Variants in RAD51B observed in about 807,000 individuals in gnomAD.
The protein encoded by RAD51B is RAD51 paralog B.
In RAD51B, 38 loss-of-function variants were observed where a neutral mutation model predicts 42.2. The observed-to-expected ratio is 0.90, with a 90% CI of 0.70 to 1.18. The LOEUF (loss-of-function observed/expected upper bound fraction) is 1.18, where lower values mean the gene tolerates loss of function less well. Ranked by LOEUF, RAD51B falls within the 50% of genes most tolerant of loss-of-function variation. The pLI, the probability that RAD51B is intolerant of heterozygous loss-of-function variation, is 0.00. For synonymous variants in RAD51B, 154 were observed against 145.2 expected (o/e 1.06, Z -0.43); for missense variants, 373 against 400.7 (o/e 0.93, Z 0.59).
At chr14:68,396,527 A>T (rs2083929314) in intron 8 of RAD51B, among the ~76,000 whole-genome samples, 1 of 152,232 alleles carries the variant, frequency 6.6e-6, no homozygotes, top group Non-Finnish European at 1.5e-5. Context: ...AAGATATATG[A>T]TCATGTACTT....
chr14:68,060,220 T>C (rs1459930558), intron 7 of RAD51B, among the ~76,000 whole-genome samples: 2 of 152,230 alleles, frequency 1.3e-5, no homozygotes, highest in Non-Finnish European at 2.9e-5. Flanking sequence ...TATGCACATG[T>C]TCCCATCAGC....
downstream of RAD51B, among the ~76,000 whole-genome samples, chr14:68,614,400 T>C (rs1211448974): frequency 1.3e-5 from 2 of 152,224 alleles, no homozygotes; most frequent in African/African-American, 4.8e-5. Context: ...TCTTAAAGTG[T>C]ACAATTCCAT....
Position 68,282,346 on chromosome 14 carries a change from A to G in RAD51B, c.757-9538A>G, listed in dbSNP as rs191170391. 1.2e-3 allele frequency among the ~76,000 whole-genome samples: 188 copies of G among 152,190 alleles called. 3 individuals are homozygous for G. The highest frequency in any genetic ancestry group is 1.0e-3 in the Non-Finnish European group (71 of 68,002). On this transcript the variant is annotated intron_variant, in intron 7 of 10. Coordinates refer to ENST00000471583, the MANE Select transcript of RAD51B (RefSeq NM_133510.4). The stretch of plus-strand genomic sequence containing the variant: ...GGGAGTTTGAATGTTAGTAACCATG[A>G]TAGAAGATCTCCACTCCAAGGGCAT...
At chr14:67,835,341 A>G in intron 4 of RAD51B, 145 bp downstream of exon 4, 2 of 655,564 alleles carry the variant, frequency 3.1e-6, no homozygotes, top group South Asian at 4.0e-5. Context: ...TTCTCCACTC[A>G]GTACTTAGTG....
chr14:68,174,811 A>T (rs2078933804), intron 7 of RAD51B, among the ~76,000 whole-genome samples: 1 of 152,220 alleles, frequency 6.6e-6, no homozygotes, highest in East Asian at 1.9e-4. Flanking sequence ...GAATGAATTA[A>T]TGGAAGCCTC....
chr14:68,485,837 T>C (rs116956027), intron 10 of RAD51B, among the ~76,000 whole-genome samples: 82 of 152,358 alleles, frequency 5.4e-4, no homozygotes, highest in African/African-American at 1.9e-3. Flanking sequence ...AAGCTCTTTA[T>C]TGGAAGTTAT....
At chr14:68,431,652 A>T (rs1386550393) in intron 9 of RAD51B, among the ~76,000 whole-genome samples, 1 of 151,440 alleles carries the variant, frequency 6.6e-6, no homozygotes, top group African/African-American at 2.4e-5. Flanking sequence ...TTTCTTCTTT[A>T]TTAGTCTTGC....
At chr14:68,585,891 G>GA (rs767277778) in intron 10 of RAD51B, among the ~76,000 whole-genome samples, 2 of 152,092 alleles carry the variant, frequency 1.3e-5, no homozygotes, top group East Asian at 3.9e-4. Flanking sequence ...GCAGAGGGGG[G>GA]AGACAACTCA....
chr14:68,585,784 C>T (rs1249180087), intron 10 of RAD51B, among the ~76,000 whole-genome samples: 2 of 152,162 alleles, frequency 1.3e-5, no homozygotes, highest in East Asian at 3.9e-4. Flanking sequence ...TGGGCAGACG[C>T]CTGGCTGGGC....
At chr14:68,454,271 A>G (rs2085627718) in intron 9 of RAD51B, among the ~76,000 whole-genome samples, 1 of 152,208 alleles carries the variant, frequency 6.6e-6, no homozygotes, top group Non-Finnish European at 1.5e-5. Flanking sequence ...ATTTTGGCTT[A>G]GGAGACTCAA....
chr14:68,059,394 G>T (rs1345235155), intron 7 of RAD51B, among the ~76,000 whole-genome samples: 1 of 151,990 alleles, frequency 6.6e-6, no homozygotes, highest in African/African-American at 2.4e-5. Flanking sequence ...AGACACAATG[G>T]CCTGGCCTTA....
chr14:67,983,917 G>T (rs1056843216), intron 7 of RAD51B, among the ~76,000 whole-genome samples: 5 of 151,296 alleles, frequency 3.3e-5, no homozygotes, highest in African/African-American at 1.2e-4. Context: ...AGAAAAATCA[G>T]ACAGGGCTGG....
chr14:67,965,361 G>A (rs1289640555), intron 7 of RAD51B, among the ~76,000 whole-genome samples: 1 of 150,622 alleles, frequency 6.6e-6, no homozygotes, highest in Non-Finnish European at 1.5e-5. Context: ...CCTAGCCATT[G>A]CCCTGTTTAG....
intron 8 of RAD51B, among the ~76,000 whole-genome samples, chr14:68,380,234 T>A (rs1052242277): frequency 2.0e-5 from 3 of 152,188 alleles, no homozygotes; most frequent in African/African-American, 7.2e-5. Context: ...TTACTTTTCC[T>A]CCCAATTATT....
At chr14:68,280,088 A>G (rs2081293372) in intron 7 of RAD51B, among the ~76,000 whole-genome samples, 1 of 152,242 alleles carries the variant, frequency 6.6e-6, no homozygotes, top group African/African-American at 2.4e-5. Flanking sequence ...TGGCCAAGAC[A>G]GAAATAGAAC....
chr14:68,271,299 A>G (rs1236692664), intron 7 of RAD51B, among the ~76,000 whole-genome samples: 1 of 152,208 alleles, frequency 6.6e-6, no homozygotes. Context: ...TATTTATTAA[A>G]TGAATGCACT....
chr14:68,199,880 C>T (rs2079448393), intron 7 of RAD51B, among the ~76,000 whole-genome samples: 1 of 152,198 alleles, frequency 6.6e-6, no homozygotes, highest in Non-Finnish European at 1.5e-5. Context: ...CAGGTTTGGC[C>T]CATTGTCTCC....
chr14:67,950,512 G>T (rs140543068), intron 7 of RAD51B, among the ~76,000 whole-genome samples: 2 of 152,186 alleles, frequency 1.3e-5, no homozygotes, highest in Non-Finnish European at 2.9e-5. Flanking sequence ...GTTGTGGCTG[G>T]TTTGGTCTTC....
At chr14:68,625,351 C>A (rs539144929) in intron 10 of RAD51B, among the ~76,000 whole-genome samples, 1 of 152,326 alleles carries the variant, frequency 6.6e-6, no homozygotes, top group South Asian at 2.1e-4. Flanking sequence ...CAAGCCAGGC[C>A]TGATTCACAA....
Sources: gnomAD v4.1 joint callset for allele counts (sites outside exome capture counted in the v4.1 genomes callset) on GRCh38, gnomAD v4.1.1 for gene constraint, MANE v1.5 for transcripts, NCBI Gene and HGNC (gene_info 2026-07-23, HGNC 2026-07-21) for gene names.